The following PIP4P2 variants were observed in gnomAD, a reference collection of about 807,000 sequenced individuals.
PIP4P2 encodes phosphatidylinositol-4,5-bisphosphate 4-phosphatase 2, also known as type 2 phosphatidylinositol 4,5-bisphosphate 4-phosphatase.
A neutral mutation model predicts 33.3 loss-of-function variants in PIP4P2; 19 were observed. The ratio of observed to expected loss-of-function variants is 0.57; its 90% CI spans 0.40 to 0.84. PIP4P2 has a LOEUF of 0.84. Ranked by LOEUF, PIP4P2 falls within the 40% of genes least tolerant of loss-of-function variation. The pLI is 0.00. For missense variants in PIP4P2, 270 were observed against 324.7 expected (o/e 0.83, Z 1.29); for synonymous variants, 110 against 111.9 (o/e 0.98, Z 0.11).
chr8:91,002,968 G>C (rs1018628593), intron 5 of PIP4P2, among the ~76,000 whole-genome samples: 8 of 152,140 alleles, frequency 5.3e-5, no homozygotes, highest in Non-Finnish European at 1.2e-4. Flanking sequence ...GTTAGGCAAA[G>C]ACTAAAAGAA....
intron 1 of PIP4P2, 55 bp downstream of exon 1, chr8:91,040,589 C>T: frequency 6.3e-7 from 1 of 1,590,550 alleles, no homozygotes; most frequent in Non-Finnish European, 8.6e-7. Flanking sequence ...TCCTTCTGGG[C>T]GTTTCCTTGC....
Position 90,995,688 on chromosome 8 carries a change from T to C in PIP4P2, c.763A>G (p.Ser255Gly). ...AATCATAAACAAGCTTATGCAAAAC[T>C]GTGTTCTGGATAACTGACTCTTATG... ...GAIRVSYPEH[S>G]FA Residue 255 changes from serine to glycine, a missense_variant, in exon 7 of 7, where the codon AGT (serine) becomes GGT (glycine). Ser to Gly is a moderately conservative substitution (Grantham distance 56). Coordinates refer to ENST00000285419, the MANE Select transcript of PIP4P2 (RefSeq NM_018710.3). 1 of 1,611,528 alleles carries C rather than the reference T, an allele frequency of 6.2e-7. No homozygotes were observed. Among genetic ancestry groups the C allele is most frequent in the Non-Finnish European group, 8.5e-7 (1 of 1,179,008 alleles).
intron 5 of PIP4P2, 119 bp from the exon 6 acceptor site, chr8:90,996,863 CAACTTTACAGACAAGAACATGCATTA>C (rs1470586230): frequency 1.3e-6 from 1 of 776,204 alleles, no homozygotes; most frequent in African/African-American, 1.8e-5. Flanking sequence ...TTCATTGCTT[CAACTTTACAGACAAGAACATGCATTA>C]AACATGTCAT....
intron 4 of PIP4P2, among the ~76,000 whole-genome samples, chr8:91,017,927 G>C (rs1811941950): frequency 6.6e-6 from 1 of 152,256 alleles, no homozygotes. Flanking sequence ...CTAATTATGG[G>C]TAACAGTGTT....
At chr8:91,022,777 T>A (rs746851652) in intron 1 of PIP4P2, among the ~76,000 whole-genome samples, 1 of 152,150 alleles carries the variant, frequency 6.6e-6, no homozygotes, top group Non-Finnish European at 1.5e-5. Context: ...AGGATTTTTT[T>A]CAGACTGCTA....
intron 1 of PIP4P2, among the ~76,000 whole-genome samples, chr8:91,040,292 T>G (rs1305925892): frequency 5.9e-5 from 9 of 152,172 alleles, no homozygotes; most frequent in Non-Finnish European, 8.8e-5. Flanking sequence ...ACCTCCTAGC[T>G]GCGCTTAGGG....
chr8:91,013,897 G>C (rs1480623566), intron 4 of PIP4P2, among the ~76,000 whole-genome samples: 1 of 152,040 alleles, frequency 6.6e-6, no homozygotes, highest in Non-Finnish European at 1.5e-5. Flanking sequence ...TCTAATTTAC[G>C]TACTTAGTCA....
intron 4 of PIP4P2, among the ~76,000 whole-genome samples, chr8:91,011,484 C>T (rs1002494189): frequency 1.3e-5 from 2 of 152,000 alleles, no homozygotes; most frequent in Non-Finnish European, 2.9e-5. Flanking sequence ...GCTAGATGAT[C>T]TCAAAATGGT....
chr8:91,022,093 G>C (rs916130191), intron 1 of PIP4P2, among the ~76,000 whole-genome samples: 5 of 152,026 alleles, frequency 3.3e-5, no homozygotes, highest in Admixed American at 2.0e-4. Flanking sequence ...GTGTTTATGA[G>C]TAAAAAAATG....
intron 1 of PIP4P2, among the ~76,000 whole-genome samples, chr8:91,024,856 C>T (rs1016613488): frequency 6.6e-6 from 1 of 152,036 alleles, no homozygotes; most frequent in Non-Finnish European, 1.5e-5. Flanking sequence ...TCCCTCAAAG[C>T]TCCAGAATAG....
rs548404459 is a variant in PIP4P2 at position 91,010,251 on chromosome 8, C to T, written c.487-1456G>A. On this transcript the variant is annotated intron_variant, in intron 4 of 6. Coordinates refer to ENST00000285419, the MANE Select transcript of PIP4P2 (RefSeq NM_018710.3). The stretch of plus-strand genomic sequence containing the variant: ...TTACAGGCTTAGGATAGTTACTGAA[C>T]TTGTAATGTCATTTCAAATGTTATT... Among the ~76,000 whole-genome samples, 4 of 151,866 alleles carry T rather than the reference C, an allele frequency of 2.6e-5. No individual in the cohort carries two copies. The East Asian group carries it at 7.7e-4, about 29-fold the overall frequency.
chr8:91,028,038 G>A (rs923052514), intron 1 of PIP4P2, among the ~76,000 whole-genome samples: 5 of 152,152 alleles, frequency 3.3e-5, no homozygotes, highest in Non-Finnish European at 7.4e-5. Flanking sequence ...TGAAATCCTG[G>A]AGTAACAGGC....
At chr8:91,028,593 C>A (rs998760915) in intron 1 of PIP4P2, among the ~76,000 whole-genome samples, 1 of 152,176 alleles carries the variant, frequency 6.6e-6, no homozygotes, top group Non-Finnish European at 1.5e-5. Flanking sequence ...ACAATTGGAA[C>A]AAATATTCTT....
At chr8:91,024,311 G>GCT (rs1159472383) in intron 1 of PIP4P2, 2 of 439,782 alleles carry the variant, frequency 4.5e-6, no homozygotes, top group African/African-American at 4.0e-5. Context: ...TTTACTTGTA[G>GCT]CTCCATCTCC....
intron 4 of PIP4P2, among the ~76,000 whole-genome samples, chr8:91,013,052 A>G (rs1465113969): frequency 3.3e-5 from 5 of 152,160 alleles, no homozygotes; most frequent in Non-Finnish European, 7.3e-5. Flanking sequence ...ATTCTTGACT[A>G]TCATCATCAC....
At chr8:90,999,083 C>T (rs1288491391) in intron 5 of PIP4P2, among the ~76,000 whole-genome samples, 1 of 151,732 alleles carries the variant, frequency 6.6e-6, no homozygotes, top group Non-Finnish European at 1.5e-5. Flanking sequence ...AAAAACCAGC[C>T]CATTAAAAAG....
chr8:90,999,271 T>C (rs1811671689), intron 5 of PIP4P2, among the ~76,000 whole-genome samples: 1 of 152,094 alleles, frequency 6.6e-6, no homozygotes, highest in Non-Finnish European at 1.5e-5. Context: ...TAACAGATGC[T>C]GGTGAGGTTG....
rs1812292972 is a variant in PIP4P2, at chr8:91,040,650, G to A, written c.100C>T (p.Pro34Ser). The A allele has an allele frequency of 3.1e-6, 5 of 1,613,704 alleles. No homozygotes were observed. Among genetic ancestry groups the A allele is most frequent in the Non-Finnish European group, 4.2e-6 (5 of 1,180,006 alleles). ...GGATCTACGCTGGCCTTACCTCTGG[G>A]GCTGCTTTCTTGCAAGTACGGTGGG... The part of the protein sequence containing the change: ...TAPPYLQESS[P>S]RAELPPPYTA... Residue 34 changes from proline (P) to serine (S), a missense_variant, in exon 1 of 7, where the codon CCC becomes TCC. By Grantham distance (74) the Pro-to-Ser change is moderately conservative. Transcript: ENST00000285419.
intron 1 of PIP4P2, among the ~76,000 whole-genome samples, chr8:91,038,289 T>A (rs1812260029): frequency 6.6e-6 from 1 of 152,122 alleles, no homozygotes; most frequent in African/African-American, 2.4e-5. Context: ...GAGAAAGGGG[T>A]CAGATTGGAG....
Sources: gnomAD v4.1 joint callset for allele counts (sites outside exome capture counted in the v4.1 genomes callset) on GRCh38, gnomAD v4.1.1 for gene constraint, MANE v1.5 for transcripts, NCBI Gene and HGNC (gene_info 2026-07-23, HGNC 2026-07-21) for gene names.